The following PSD3 variants were observed in gnomAD, a reference collection of about 807,000 sequenced individuals.
PSD3 encodes the protein PH and SEC7 domain-containing protein 3.
In PSD3, 49 loss-of-function variants were observed where a neutral mutation model predicts 105.5. That is an observed-to-expected ratio of 0.46 (90% confidence interval 0.37 to 0.59). The LOEUF is 0.59. PSD3 is among the 20% of genes least tolerant of loss of function. The pLI is 0.00. For synonymous variants in PSD3, 557 were observed against 457.8 expected, an observed-to-expected ratio of 1.22 and a Z score of -2.77; for missense variants, 1,561 against 1,263.8, an observed-to-expected ratio of 1.24 and a Z score of -3.57.
chr8:18,985,588 G>A (rs1825460870), intron 1 of PSD3, among the ~76,000 whole-genome samples: 1 of 152,164 alleles, frequency 6.6e-6, no homozygotes, highest in African/African-American at 2.4e-5. Context: ...TGAAACATTA[G>A]TTTACTTGTC....
intron 8 of PSD3, among the ~76,000 whole-genome samples, chr8:18,767,564 G>A (rs370060659): frequency 6.6e-6 from 1 of 152,062 alleles, no homozygotes; most frequent in East Asian, 2.0e-4. Flanking sequence ...TGCTCAACAT[G>A]GTGAAACCCC....
At chr8:18,682,500 A>ACATT (rs1486609483) in intron 9 of PSD3, among the ~76,000 whole-genome samples, 3 of 152,228 alleles carry the variant, frequency 2.0e-5, no homozygotes, top group African/African-American at 7.2e-5. Context: ...TATACAGGTC[A>ACATT]CATTAAAGGA....
intron 10 of PSD3, among the ~76,000 whole-genome samples, chr8:18,638,698 T>C (rs1470999786): frequency 6.6e-6 from 1 of 152,164 alleles, no homozygotes; most frequent in East Asian, 1.9e-4. Flanking sequence ...ATATACCTAG[T>C]AACCAAATTC....
intron 2 of PSD3, among the ~76,000 whole-genome samples, chr8:18,935,070 T>C (rs1413281548): frequency 5.9e-5 from 9 of 152,072 alleles, no homozygotes; most frequent in Non-Finnish European, 1.3e-4. Flanking sequence ...ATCTGGAAAA[T>C]GGGGATAACG....
chr8:18,600,339 GA>G (rs1804346313), intron 12 of PSD3, 24 bp downstream of exon 12: 2 of 1,587,444 alleles, frequency 1.3e-6, no homozygotes, highest in Non-Finnish European at 8.6e-7. Context: ...GAGTTTTGTG[GA>G]TTTTTTATCT....
rs183066732 is a variant in PSD3 at position 18,837,018 on chromosome 8, G to A, written c.1634+30656C>T. Among the ~76,000 whole-genome samples, 26 of 151,140 alleles carry A rather than the reference G, an allele frequency of 1.7e-4. No individual in the cohort carries two copies. The East Asian group carries it at 4.9e-3, about 28-fold the overall frequency. On this transcript the variant is annotated intron_variant, in intron 4 of 15. Coordinates refer to ENST00000327040, the MANE Select transcript of PSD3 (RefSeq NM_015310.4). ...TCAAGTTTTGTTTCCGGTTTGATCT[G>A]ATGGCAAGGCTTTTAACTAAATATC...
At chr8:18,728,678 C>T (rs1410522531) in intron 9 of PSD3, among the ~76,000 whole-genome samples, 1 of 152,142 alleles carries the variant, frequency 6.6e-6, no homozygotes, top group East Asian at 1.9e-4. Context: ...TTGAGTTACG[C>T]TGCGTGAGCT....
chr8:18,848,784 G>C (rs1352656532), intron 4 of PSD3, among the ~76,000 whole-genome samples: 1 of 152,156 alleles, frequency 6.6e-6, no homozygotes. Flanking sequence ...CCTAGGTTGG[G>C]GCGGAATGCA....
At chr8:18,968,894 A>C (rs1427498769) in intron 1 of PSD3, among the ~76,000 whole-genome samples, 4 of 150,942 alleles carry the variant, frequency 2.7e-5, no homozygotes, top group Admixed American at 2.6e-4. Context: ...AAAAAAAAAA[A>C]AAAAAAAACT....
At chr8:18,729,506 A>G (rs1803572603) in intron 9 of PSD3, among the ~76,000 whole-genome samples, 2 of 152,212 alleles carry the variant, frequency 1.3e-5, no homozygotes, top group Non-Finnish European at 2.9e-5. Context: ...ATGCCACCAC[A>G]TTAAATAAAA....
Position 18,872,181 on chromosome 8 carries a change from T to G in PSD3, c.683A>C (p.Glu228Ala). The G allele has an allele frequency of 6.2e-7, 1 of 1,614,212 alleles. No individual in the cohort carries two copies. Residue 228 changes from glutamate to alanine, a missense_variant, in exon 3 of 16, where the codon GAG becomes GCG. Physicochemically the swap from Glu to Ala is moderately radical, Grantham distance 107. Transcript: ENST00000327040. Reference sequence around the variant, plus strand: ...CCCATTATTCATTATCTGGGAAATCTCTGCCTGAGTGTCTCCAGTTAACAG... The same window carrying G: ...CCCATTATTCATTATCTGGGAAATCGCTGCCTGAGTGTCTCCAGTTAACAG... Reference protein sequence around the residue: ...TALLTGDTQAEISQIMNNGRK... With the variant: ...TALLTGDTQAAISQIMNNGRK...
chr8:18,779,969 C>G (rs953633819), intron 8 of PSD3, among the ~76,000 whole-genome samples: 8 of 152,142 alleles, frequency 5.3e-5, no homozygotes, highest in African/African-American at 1.9e-4. Context: ...AATCCAATAC[C>G]TCTTTGTTGA....
intron 8 of PSD3, among the ~76,000 whole-genome samples, chr8:18,773,993 G>A (rs945971209): frequency 4.6e-5 from 7 of 152,072 alleles, no homozygotes; most frequent in Non-Finnish European, 8.8e-5. Flanking sequence ...TGATGCTACT[G>A]TAAAATTATT....
At chr8:18,733,314 A>G (rs961811769) in intron 9 of PSD3, 2 of 152,240 alleles carry the variant, frequency 1.3e-5, no homozygotes, top group African/African-American at 4.8e-5. Flanking sequence ...TTTCTAGCAT[A>G]TCTTTCTAGA....
chr8:18,706,566 T>A lies in PSD3; in HGVS notation c.2173-50881A>T, dbSNP rs558564799. 1.4e-4 allele frequency among the ~76,000 whole-genome samples: 21 copies of A among 152,358 alleles called. No homozygotes were observed. In the South Asian group the frequency reaches 4.4e-3, roughly 32 times the overall value. ...AAGCCATATAGAAGAGCACTGGTGG[T>A]GCCCATCCATGCACAATCCAGGGGA... On this transcript the variant is annotated intron_variant, in intron 9 of 15. Coordinates refer to ENST00000327040, the MANE Select transcript of PSD3 (RefSeq NM_015310.4).
intron 1 of PSD3, among the ~76,000 whole-genome samples, chr8:18,986,639 G>A (rs769467889): frequency 1.3e-5 from 2 of 151,906 alleles, no homozygotes; most frequent in East Asian, 1.9e-4. Context: ...TCCTTATCCG[G>A]TCAGCAGATA....
At chr8:18,885,111 T>C (rs1187093593) in intron 2 of PSD3, among the ~76,000 whole-genome samples, 1 of 152,148 alleles carries the variant, frequency 6.6e-6, no homozygotes, top group Non-Finnish European at 1.5e-5. Flanking sequence ...TTGTCATAAC[T>C]TCTGGTTTTT....
intron 9 of PSD3, among the ~76,000 whole-genome samples, chr8:18,712,097 C>G (rs1802289633): frequency 6.6e-6 from 1 of 152,032 alleles, no homozygotes. Context: ...AGACAATGTA[C>G]CAGAATCTCT....
intron 1 of PSD3, among the ~76,000 whole-genome samples, chr8:19,051,328 C>T (rs1292647824): frequency 1.3e-5 from 2 of 152,156 alleles, no homozygotes; most frequent in African/African-American, 2.4e-5. Flanking sequence ...TGGGATCAGA[C>T]TACACTCTCT....
Sources: gnomAD v4.1 joint callset for allele counts (sites outside exome capture counted in the v4.1 genomes callset) on GRCh38, gnomAD v4.1.1 for gene constraint, MANE v1.5 for transcripts, NCBI Gene and HGNC (gene_info 2026-07-23, HGNC 2026-07-21) for gene names.